The following CSMD1 variants were observed in gnomAD, a reference collection of about 807,000 sequenced individuals.
CSMD1 encodes CUB and sushi domain-containing protein 1.
In CSMD1, 213 loss-of-function variants were observed where a neutral mutation model predicts 417.5. The ratio of observed to expected loss-of-function variants is 0.51; its 90% CI spans 0.46 to 0.57. The LOEUF is 0.57. CSMD1 is among the 20% of genes least tolerant of loss of function. The pLI is 0.00. For synonymous variants in CSMD1, 2,862 were observed against 1,736.8 expected (o/e 1.65, Z -16.11); for missense variants, 6,923 against 4,529.7 (o/e 1.53, Z -15.17).
At chr8:4,536,500 T>G (rs149958811) in intron 2 of CSMD1, among the ~76,000 whole-genome samples, 32 of 152,336 alleles carry the variant, frequency 2.1e-4, no homozygotes, top group Middle Eastern at 6.8e-3. Context: ...TGTCTTTTTC[T>G]CTTAACAAAT....
intron 47 of CSMD1, among the ~76,000 whole-genome samples, chr8:3,094,819 A>G (rs111235925): frequency 5.3e-4 from 73 of 138,958 alleles, no homozygotes; most frequent in Middle Eastern, 3.8e-3. Context: ...AAAAAAAAAA[A>G]AGAGAGAGAG....
chr8:4,917,006 A>G (rs1806107343), intron 1 of CSMD1, among the ~76,000 whole-genome samples: 1 of 152,296 alleles, frequency 6.6e-6, no homozygotes, highest in South Asian at 2.1e-4. Context: ...TTACCTTGCT[A>G]TAAATAACCA....
At chr8:3,784,006 G>C (rs1157384613) in intron 5 of CSMD1, among the ~76,000 whole-genome samples, 1 of 152,164 alleles carries the variant, frequency 6.6e-6, no homozygotes, top group African/African-American at 2.4e-5. Context: ...TTTCTTATTT[G>C]CAAAATGTTT....
At chr8:3,205,172 C>T (rs1162696655) in intron 31 of CSMD1, among the ~76,000 whole-genome samples, 2 of 152,158 alleles carry the variant, frequency 1.3e-5, no homozygotes, top group Admixed American at 6.5e-5. Context: ...CTGACCCACC[C>T]ACTACTTTAT....
At chr8:3,285,124 A>G (rs1173147022) in intron 25 of CSMD1, among the ~76,000 whole-genome samples, 1 of 152,118 alleles carries the variant, frequency 6.6e-6, no homozygotes, top group Admixed American at 6.6e-5. Flanking sequence ...TCTGATTTAC[A>G]GTTTTTTATT....
At chr8:3,608,548 G>A (rs1364496466) in intron 8 of CSMD1, among the ~76,000 whole-genome samples, 1 of 152,114 alleles carries the variant, frequency 6.6e-6, no homozygotes, top group African/African-American at 2.4e-5. Context: ...TGGATCACGA[G>A]GTCAGGAGTT....
chr8:4,435,749 T>G (rs1798114049), intron 2 of CSMD1, among the ~76,000 whole-genome samples: 1 of 152,146 alleles, frequency 6.6e-6, no homozygotes, highest in Admixed American at 6.5e-5. Context: ...GCCATGTGGC[T>G]ACAATAAAAA....
chr8:2,995,045 A>G (rs530958057), intron 54 of CSMD1, among the ~76,000 whole-genome samples: 1 of 152,332 alleles, frequency 6.6e-6, no homozygotes, highest in South Asian at 2.1e-4. Flanking sequence ...CCAGAAAAAG[A>G]AAAGACGATG....
At chr8:4,264,640 C>A (rs1008375034) in intron 3 of CSMD1, among the ~76,000 whole-genome samples, 4 of 152,100 alleles carry the variant, frequency 2.6e-5, no homozygotes, top group Admixed American at 2.6e-4. Context: ...CTGTCCCACC[C>A]AGGTACATGA....
chr8:4,061,883 T>G (rs774051790), intron 3 of CSMD1, among the ~76,000 whole-genome samples: 1 of 152,212 alleles, frequency 6.6e-6, no homozygotes, highest in Non-Finnish European at 1.5e-5. Flanking sequence ...TGACAACTTC[T>G]GAGCATACTG....
At chr8:4,426,684 G>A (rs568608540) in intron 2 of CSMD1, among the ~76,000 whole-genome samples, 1 of 145,932 alleles carries the variant, frequency 6.9e-6, no homozygotes, top group South Asian at 2.1e-4. Flanking sequence ...ATATAATATA[G>A]TAATATTTTT....
intron 3 of CSMD1, among the ~76,000 whole-genome samples, chr8:4,373,502 A>T (rs1316194608): frequency 6.6e-6 from 1 of 152,224 alleles, no homozygotes; most frequent in African/African-American, 2.4e-5. Flanking sequence ...AAGTTTATTT[A>T]GCAAAAAACT....
intron 5 of CSMD1, among the ~76,000 whole-genome samples, chr8:3,804,308 G>C (rs1389600836): frequency 6.6e-6 from 1 of 151,896 alleles, no homozygotes; most frequent in Non-Finnish European, 1.5e-5. Flanking sequence ...AATTTTTTTT[G>C]TGCTGAGACC....
At chr8:4,938,437 T>G (rs1807766457) in intron 1 of CSMD1, among the ~76,000 whole-genome samples, 1 of 152,170 alleles carries the variant, frequency 6.6e-6, no homozygotes, top group Non-Finnish European at 1.5e-5. Flanking sequence ...ATATGCATAC[T>G]CACTTGTTCT....
At chr8:4,028,800 TC>T (rs1207850159) in intron 4 of CSMD1, among the ~76,000 whole-genome samples, 1 of 152,246 alleles carries the variant, frequency 6.6e-6, no homozygotes, top group Non-Finnish European at 1.5e-5. Flanking sequence ...TAGCAAATTT[TC>T]TGGCATCTCA....
intron 40 of CSMD1, among the ~76,000 whole-genome samples, chr8:3,150,109 C>T (rs1203088827): frequency 6.6e-6 from 1 of 152,216 alleles, no homozygotes; most frequent in Non-Finnish European, 1.5e-5. Flanking sequence ...GAAGGTGATT[C>T]CCAGGTCTCC....
At chr8:4,855,525 A>G (rs1421643027) in intron 1 of CSMD1, among the ~76,000 whole-genome samples, 1 of 152,154 alleles carries the variant, frequency 6.6e-6, no homozygotes, top group African/African-American at 2.4e-5. Flanking sequence ...AAAAAAATTT[A>G]GAAGAATGTA....
intron 26 of CSMD1, among the ~76,000 whole-genome samples, chr8:3,267,231 T>A (rs1450545842): frequency 1.3e-5 from 2 of 152,136 alleles, no homozygotes; most frequent in Non-Finnish European, 1.5e-5. Flanking sequence ...AGTGGCTCAC[T>A]GCTAGCTTGC....
chr8:4,536,864 T>C (rs1797128029), intron 2 of CSMD1, among the ~76,000 whole-genome samples: 1 of 152,230 alleles, frequency 6.6e-6, no homozygotes, highest in Admixed American at 6.5e-5. Flanking sequence ...TTTTGCACAA[T>C]AGTGCATCAG....
Sources: gnomAD v4.1 joint callset for allele counts (sites outside exome capture counted in the v4.1 genomes callset) on GRCh38, gnomAD v4.1.1 for gene constraint, MANE v1.5 for transcripts, NCBI Gene and HGNC (gene_info 2026-07-23, HGNC 2026-07-21) for gene names.